MAGI2: variants seen among roughly 807,000 people sequenced by gnomAD.
MAGI2 encodes membrane associated guanylate kinase, WW and PDZ domain containing 2.
A neutral mutation model predicts 133.3 loss-of-function variants in MAGI2; 35 were observed. The observed-to-expected ratio is 0.26, with a 90% CI of 0.20 to 0.35. MAGI2 has a LOEUF of 0.35. MAGI2 is among the 10% of genes least tolerant of loss of function. MAGI2 has a pLI of 1.00. For missense variants in MAGI2, 1,636 were observed against 1,863.4 expected, an observed-to-expected ratio of 0.88 and a Z score of 2.25; for synonymous variants, 729 against 710.6, an observed-to-expected ratio of 1.03 and a Z score of -0.41.
intron 1 of MAGI2, among the ~76,000 whole-genome samples, chr7:79,219,131 A>G (rs560808157): frequency 5.3e-5 from 8 of 152,176 alleles, no homozygotes; most frequent in African/African-American, 1.7e-4. Flanking sequence ...TTTCTACAAT[A>G]TTTAGAACAC....
chr7:79,420,581 T>C (rs1846885050), intron 1 of MAGI2, among the ~76,000 whole-genome samples: 1 of 151,988 alleles, frequency 6.6e-6, no homozygotes, highest in African/African-American at 2.4e-5. Context: ...ATTAAACATG[T>C]GGTTTCTCTA....
intron 9 of MAGI2, among the ~76,000 whole-genome samples, chr7:78,290,968 C>A (rs1796644204): frequency 6.6e-6 from 1 of 152,072 alleles, no homozygotes; most frequent in African/African-American, 2.4e-5. Flanking sequence ...GCACTAAATG[C>A]CCACAAGAGA....
At chr7:79,049,905 C>T (rs1584790093) in intron 1 of MAGI2, among the ~76,000 whole-genome samples, 1 of 152,016 alleles carries the variant, frequency 6.6e-6, no homozygotes, top group East Asian at 1.9e-4. Flanking sequence ...TTTATACACA[C>T]TAAATACACA....
intron 1 of MAGI2, among the ~76,000 whole-genome samples, chr7:79,191,788 T>C (rs1827699114): frequency 1.3e-5 from 2 of 151,816 alleles, no homozygotes; most frequent in African/African-American, 2.4e-5. Flanking sequence ...TCCCCTTTTC[T>C]AGTATCTATG....
chr7:78,247,035 G>A (rs988960622), intron 10 of MAGI2, among the ~76,000 whole-genome samples: 1 of 152,078 alleles, frequency 6.6e-6, no homozygotes, highest in Non-Finnish European at 1.5e-5. Context: ...CTTGAACCCC[G>A]GACCTCAGTT....
chr7:78,975,545 A>G (rs1419648652), intron 2 of MAGI2, among the ~76,000 whole-genome samples: 2 of 151,724 alleles, frequency 1.3e-5, no homozygotes, highest in African/African-American at 2.4e-5. Flanking sequence ...AGGGAAATTT[A>G]TAGTAACAAA....
intron 2 of MAGI2, among the ~76,000 whole-genome samples, chr7:78,941,916 A>T (rs1006629831): frequency 5.3e-5 from 8 of 151,990 alleles, no homozygotes; most frequent in Admixed American, 5.3e-4. Flanking sequence ...CATAAAACTC[A>T]TCTCCATCAC....
chr7:78,843,545 T>C (rs1187109918), intron 2 of MAGI2, among the ~76,000 whole-genome samples: 1 of 151,962 alleles, frequency 6.6e-6, no homozygotes, highest in Non-Finnish European at 1.5e-5. Flanking sequence ...CTTCCACAAA[T>C]AACTACATTT....
chr7:79,323,733 A>G (rs937839563), intron 1 of MAGI2, among the ~76,000 whole-genome samples: 5 of 152,200 alleles, frequency 3.3e-5, no homozygotes, highest in Non-Finnish European at 7.3e-5. Context: ...AGATGGAGGC[A>G]AGGAAACTCA....
intron 1 of MAGI2, among the ~76,000 whole-genome samples, chr7:79,159,531 AAAAG>A (rs891445064): frequency 7.9e-5 from 12 of 151,606 alleles, no homozygotes; most frequent in East Asian, 3.9e-4. Context: ...AAAAAAAAAA[AAAAG>A]AAGAAGAAGA....
At chr7:79,050,285 T>C (rs1254840488) in intron 1 of MAGI2, among the ~76,000 whole-genome samples, 1 of 152,172 alleles carries the variant, frequency 6.6e-6, no homozygotes, top group Non-Finnish European at 1.5e-5. Context: ...CAAACAGGTT[T>C]ACTGGTCATC....
intron 6 of MAGI2, among the ~76,000 whole-genome samples, chr7:78,443,531 T>C (rs1016467253): frequency 6.6e-6 from 1 of 152,180 alleles, no homozygotes; most frequent in East Asian, 1.9e-4. Flanking sequence ...TCTAAGTTGA[T>C]AAAATCTAAT....
At position 79,453,242 on chromosome 7, in the gene MAGI2, G is replaced by A; in HGVS notation, c.79C>T (p.Gln27Ter). The change falls in exon 1 of 22, where the codon CAG becomes TAG. Residue 27 changes from glutamine to a stop codon, truncating the protein, a stop_gained. Transcript: ENST00000354212. LOFTEE classifies it high-confidence loss of function. The part of the protein sequence containing the change: ...ESVIGRNPEG[Q>*]LGFELKGGAE... ...CCCCCCTTCAGTTCAAAGCCCAGCTGGCCCTCCGGGTTCCTGCCAATGACA... is the reference window on the plus strand; with the variant it reads ...CCCCCCTTCAGTTCAAAGCCCAGCTAGCCCTCCGGGTTCCTGCCAATGACA... 6.2e-7 allele frequency: 1 copy of A among 1,613,734 alleles called. No individual in the cohort carries two copies. Among genetic ancestry groups the A allele is most frequent in the East Asian group, 2.2e-5 (1 of 44,858 alleles).
chr7:79,174,193 T>C (rs1451823178), intron 1 of MAGI2, among the ~76,000 whole-genome samples: 2 of 152,070 alleles, frequency 1.3e-5, no homozygotes, highest in Admixed American at 1.3e-4. Flanking sequence ...CCAAAAAGTT[T>C]GAATACCTCT....
intron 1 of MAGI2, among the ~76,000 whole-genome samples, chr7:79,259,650 T>A (rs1380132503): frequency 6.6e-6 from 1 of 152,218 alleles, no homozygotes; most frequent in Admixed American, 6.5e-5. Context: ...AGTTATAAGT[T>A]ATAAATTTGG....
chr7:79,031,795 T>C (rs1048450573), intron 1 of MAGI2, among the ~76,000 whole-genome samples: 2 of 152,220 alleles, frequency 1.3e-5, no homozygotes, highest in Admixed American at 1.3e-4. Flanking sequence ...TTTAAGTATA[T>C]GATGATTTAT....
chr7:79,390,248 C>T (rs1844501753), intron 1 of MAGI2, among the ~76,000 whole-genome samples: 3 of 152,114 alleles, frequency 2.0e-5, no homozygotes, highest in African/African-American at 7.2e-5. Flanking sequence ...GACGCAATTC[C>T]ACTCTGGATG....
intron 21 of MAGI2, among the ~76,000 whole-genome samples, chr7:78,040,461 G>C (rs1307079267): frequency 6.6e-6 from 1 of 152,174 alleles, no homozygotes; most frequent in African/African-American, 2.4e-5. Flanking sequence ...CTCAGCCCAG[G>C]GTCAGGAAGG....
intron 1 of MAGI2, among the ~76,000 whole-genome samples, chr7:79,326,520 G>A (rs1231739878): frequency 1.3e-5 from 2 of 152,052 alleles, no homozygotes; most frequent in Non-Finnish European, 2.9e-5. Context: ...TCTTGTAAGG[G>A]AAGAAAAGTA....
Sources: allele counts gnomAD v4.1 joint callset (sites outside exome capture counted in the v4.1 genomes callset), GRCh38; gene constraint gnomAD v4.1.1; transcripts MANE v1.5; gene names NCBI Gene and HGNC (gene_info 2026-07-23, HGNC 2026-07-21).